The following CACNA2D3 variants were observed in gnomAD, a reference collection of about 807,000 sequenced individuals.
The protein encoded by CACNA2D3 is voltage-dependent calcium channel subunit alpha-2/delta-3.
A neutral mutation model predicts 160.6 loss-of-function variants in CACNA2D3; 60 were observed. The ratio of observed to expected loss-of-function variants is 0.37; its 90% CI spans 0.30 to 0.46. The LOEUF (loss-of-function observed/expected upper bound fraction) is 0.46. CACNA2D3 is among the 20% of genes least tolerant of loss of function. The pLI, the probability that CACNA2D3 is intolerant of heterozygous loss-of-function variation, is 1.00. For missense variants in CACNA2D3, 1,205 were observed against 1,365.0 expected, an observed-to-expected ratio of 0.88 and a Z score of 1.85; for synonymous variants, 558 against 492.9, an observed-to-expected ratio of 1.13 and a Z score of -1.75.
chr3:54,136,631 A>G (rs963194186), intron 2 of CACNA2D3, among the ~76,000 whole-genome samples: 1 of 152,174 alleles, frequency 6.6e-6, no homozygotes, highest in Non-Finnish European at 1.5e-5. Context: ...TTCCCTGCAC[A>G]CATCCGGCTG....
At chr3:54,657,977 C>T (rs1384567013) in intron 11 of CACNA2D3, among the ~76,000 whole-genome samples, 1 of 152,166 alleles carries the variant, frequency 6.6e-6, no homozygotes, top group Non-Finnish European at 1.5e-5. Context: ...GAGATTGCAC[C>T]ACTGCTTTCC....
intron 4 of CACNA2D3, among the ~76,000 whole-genome samples, chr3:54,464,166 T>TG (rs1700565529): frequency 6.6e-6 from 1 of 152,144 alleles, no homozygotes. Context: ...CCGTGTGAGG[T>TG]GTCAGTCTGC....
intron 4 of CACNA2D3, among the ~76,000 whole-genome samples, chr3:54,468,824 T>TTCCCA (rs1700676465): frequency 6.6e-6 from 1 of 152,132 alleles, no homozygotes; most frequent in African/African-American, 2.4e-5. Context: ...AAGTTCGAAC[T>TTCCCA]GGGTGGAGCC....
At chr3:54,996,864 C>G (rs1702869811) in intron 31 of CACNA2D3, among the ~76,000 whole-genome samples, 1 of 152,164 alleles carries the variant, frequency 6.6e-6, no homozygotes, top group Non-Finnish European at 1.5e-5. Flanking sequence ...CAGTTCGTGT[C>G]CTTTGCAGGG....
intron 4 of CACNA2D3, among the ~76,000 whole-genome samples, chr3:54,454,883 A>G (rs1700370662): frequency 1.3e-5 from 2 of 151,982 alleles, no homozygotes; most frequent in Non-Finnish European, 2.9e-5. Flanking sequence ...CATTTAACAT[A>G]ATGTCCTTCA....
chr3:54,333,835 C>G (rs937409446), intron 3 of CACNA2D3, among the ~76,000 whole-genome samples: 1 of 152,242 alleles, frequency 6.6e-6, no homozygotes, highest in Non-Finnish European at 1.5e-5. Flanking sequence ...TAGGAGCCAG[C>G]CCAAAGGGGA....
chr3:55,034,411 G>C (rs1275075631), intron 35 of CACNA2D3, among the ~76,000 whole-genome samples: 1 of 151,710 alleles, frequency 6.6e-6, no homozygotes, highest in Non-Finnish European at 1.5e-5. Context: ...TATATTGTTA[G>C]TCTTTTCTTT....
At chr3:54,802,653 A>G (rs1703019531) in intron 13 of CACNA2D3, among the ~76,000 whole-genome samples, 1 of 152,230 alleles carries the variant, frequency 6.6e-6, no homozygotes, top group South Asian at 2.1e-4. Flanking sequence ...AAAAGACAGC[A>G]GTAACCTCTG....
intron 18 of CACNA2D3, among the ~76,000 whole-genome samples, chr3:54,876,512 G>C (rs1196326239): frequency 6.6e-6 from 1 of 152,190 alleles, no homozygotes; most frequent in African/African-American, 2.4e-5. Context: ...CTATGACGTG[G>C]TCAATTGTTA....
intron 31 of CACNA2D3, among the ~76,000 whole-genome samples, chr3:54,994,028 T>C (rs1478007010): frequency 6.6e-6 from 1 of 152,056 alleles, no homozygotes; most frequent in African/African-American, 2.4e-5. Flanking sequence ...ATATTTTCCC[T>C]ATGGGATCTG....
chr3:54,150,023 G>A (rs1372555241), intron 2 of CACNA2D3, among the ~76,000 whole-genome samples: 1 of 141,310 alleles, frequency 7.1e-6, no homozygotes, highest in East Asian at 2.2e-4. Flanking sequence ...CTCTGTCTCT[G>A]TCTCTCTTTC....
rs148027590 is a variant in CACNA2D3 at position 54,836,527 on chromosome 3, C to T, written c.1399-632C>T. 3.3e-5 allele frequency among the ~76,000 whole-genome samples: 5 copies of T among 152,328 alleles called. No homozygotes were observed. In the South Asian group the frequency reaches 8.3e-4, roughly 25 times the overall value. On this transcript the variant is annotated intron_variant, in intron 14 of 37. Coordinates refer to ENST00000474759, the MANE Select transcript of CACNA2D3 (RefSeq NM_018398.3). Reference sequence around the variant, plus strand: ...GGGATTACAGATGTGAGCCACCACGCCTGTCCTCAAGGGCCATTCTTATAA... The same window carrying T: ...GGGATTACAGATGTGAGCCACCACGTCTGTCCTCAAGGGCCATTCTTATAA...
At chr3:54,614,322 C>T (rs1170206529) in intron 9 of CACNA2D3, among the ~76,000 whole-genome samples, 1 of 152,152 alleles carries the variant, frequency 6.6e-6, no homozygotes, top group Non-Finnish European at 1.5e-5. Flanking sequence ...CAGGGCAGAG[C>T]CTGTCTTACT....
intron 2 of CACNA2D3, among the ~76,000 whole-genome samples, chr3:54,313,641 G>C (rs1703793630): frequency 6.6e-6 from 1 of 152,114 alleles, no homozygotes; most frequent in Non-Finnish European, 1.5e-5. Flanking sequence ...CTCCAGTGCA[G>C]TGGGGGCAGT....
rs1266828742 is a variant in CACNA2D3, at chr3:54,800,155, A to ATAT, written c.1381-16696_1381-16694dup. On this transcript the variant is annotated intron_variant, in intron 13 of 37. Coordinates refer to ENST00000474759, the MANE Select transcript of CACNA2D3 (RefSeq NM_018398.3). Reference sequence around the variant, plus strand: ...CTGAGTGGCTTTGCATCCTGTTTGGATATTTCCAAAATGAATGCTGCAGAA... The same window carrying ATAT: ...CTGAGTGGCTTTGCATCCTGTTTGGATATTATTTCCAAAATGAATGCTGCAGAA... Among the ~76,000 whole-genome samples, 63 of 152,302 alleles carry ATAT rather than the reference A, an allele frequency of 4.1e-4. 1 individual carries two copies. Among genetic ancestry groups the ATAT allele is most frequent in the African/African-American group, 1.4e-3 (60 of 41,564 alleles).
chr3:54,581,113 G>GT (rs1316141192), intron 8 of CACNA2D3, among the ~76,000 whole-genome samples: 3 of 152,198 alleles, frequency 2.0e-5, no homozygotes, highest in Non-Finnish European at 4.4e-5. Flanking sequence ...GATCAGATGT[G>GT]TAAGGACCGG....
chr3:54,291,890 A>C (rs1703215631), intron 2 of CACNA2D3, among the ~76,000 whole-genome samples: 1 of 152,238 alleles, frequency 6.6e-6, no homozygotes, highest in African/African-American at 2.4e-5. Context: ...AACATTTTGA[A>C]ATGTAACACT....
intron 11 of CACNA2D3, among the ~76,000 whole-genome samples, chr3:54,667,999 A>AC (rs1411699408): frequency 3.9e-5 from 6 of 152,156 alleles, no homozygotes; most frequent in South Asian, 2.1e-4. Flanking sequence ...TTTTATATCA[A>AC]CATGAAATGG....
intron 25 of CACNA2D3, among the ~76,000 whole-genome samples, chr3:54,895,105 C>G (rs1167810600): frequency 1.3e-5 from 2 of 152,114 alleles, no homozygotes; most frequent in Non-Finnish European, 2.9e-5. Context: ...CTACAATTAC[C>G]TAGTTCTAGT....
Sources: allele counts gnomAD v4.1 joint callset (sites outside exome capture counted in the v4.1 genomes callset), GRCh38; gene constraint gnomAD v4.1.1; transcripts MANE v1.5; gene names NCBI Gene and HGNC (gene_info 2026-07-23, HGNC 2026-07-21).